Variants in QRICH1 observed in about 807,000 individuals in gnomAD.
The protein encoded by QRICH1 is transcriptional regulator QRICH1.
In QRICH1, 16 loss-of-function variants were observed where a neutral mutation model predicts 87.1. That is an observed-to-expected ratio of 0.18 (90% CI 0.12 to 0.28). The LOEUF is 0.28. QRICH1 is among the 10% of genes least tolerant of loss of function. The pLI, the probability that QRICH1 is intolerant of heterozygous loss-of-function variation, is 1.00. For missense variants in QRICH1, 647 were observed against 951.7 expected (o/e 0.68, Z 4.21); for synonymous variants, 367 against 368.4 (o/e 1.00, Z 0.05).
chr3:49,068,760 C>A (rs926153612), intron 2 of QRICH1, among the ~76,000 whole-genome samples: 9 of 151,658 alleles, frequency 5.9e-5, no homozygotes, highest in Non-Finnish European at 1.0e-4. Context: ...TCCTGAGTAG[C>A]TGGGATCACA....
intron 6 of QRICH1, 155 bp from the exon 7 acceptor site, chr3:49,033,383 T>A: frequency 2.4e-6 from 1 of 422,892 alleles, no homozygotes; most frequent in Non-Finnish European, 4.1e-6. Flanking sequence ...GAAAGCTTCT[T>A]AAAACACAGA....
At chr3:49,035,213 G>T (rs953007134) in intron 6 of QRICH1, among the ~76,000 whole-genome samples, 1 of 152,104 alleles carries the variant, frequency 6.6e-6, no homozygotes, top group Non-Finnish European at 1.5e-5. Context: ...TGGGATCACA[G>T]GTGTGCACCA....
chr3:49,038,090 C>T (rs2093286638), intron 6 of QRICH1, among the ~76,000 whole-genome samples: 1 of 150,954 alleles, frequency 6.6e-6, no homozygotes, highest in South Asian at 2.1e-4. Flanking sequence ...AAAACAGAGT[C>T]TCGGTCTGTT....
intron 2 of QRICH1, among the ~76,000 whole-genome samples, chr3:49,064,436 A>T (rs1294018918): frequency 2.0e-5 from 3 of 151,696 alleles, no homozygotes; most frequent in Non-Finnish European, 2.9e-5. Flanking sequence ...TATTTTTAGT[A>T]GAGATGGGGT....
At chr3:49,092,436 GTTC>G (rs2042294155) in intron 1 of QRICH1, 1 of 151,992 alleles carries the variant, frequency 6.6e-6, no homozygotes, top group Non-Finnish European at 1.5e-5. Flanking sequence ...CTTGTCCTGA[GTTC>G]TTAAGACTTC....
In QRICH1 at chr3:49,063,886, TAAAACTAGGAA is replaced by T; in HGVS notation, c.310-6007_310-5997del. Among the ~76,000 whole-genome samples the T allele has an allele frequency of 2.6e-5, 4 of 152,278 alleles. No homozygotes were observed. In the South Asian group the frequency reaches 6.2e-4, roughly 24 times the overall value. Reference sequence around the variant, plus strand: ...AGTAATATTTACTTGTACTCTAAATTAAAACTAGGAATTTAATTTTTTAATTCTTTTTTTAT... The same window carrying T: ...AGTAATATTTACTTGTACTCTAAATTTTTAATTTTTTAATTCTTTTTTTAT... On this transcript the variant is annotated intron_variant, in intron 2 of 9. Transcript: ENST00000395443.
chr3:49,033,108 T>C lies in QRICH1; in HGVS notation c.1895+12A>G, dbSNP rs369582018. The C allele has an allele frequency of 1.9e-5, 28 of 1,509,120 alleles. No individual in the cohort carries two copies. Among genetic ancestry groups the C allele is most frequent in the African/African-American group, 7.0e-5 (5 of 70,942 alleles). 93.5% of individuals were successfully genotyped at this position (1,509,120 alleles called of 1,614,324 possible). Reference sequence around the variant, plus strand: ...GGACAGATGCCAGCAGTGGAGCCTCTAGAACACTTACTTGGTATTAAAGAA... The same window carrying C: ...GGACAGATGCCAGCAGTGGAGCCTCCAGAACACTTACTTGGTATTAAAGAA... On this transcript the variant is annotated intron_variant, in intron 7 of 9. Coordinates refer to ENST00000395443, the MANE Select transcript of QRICH1 (RefSeq NM_198880.3).
At chr3:49,075,866 C>T (rs1454622490) in intron 2 of QRICH1, among the ~76,000 whole-genome samples, 1 of 151,684 alleles carries the variant, frequency 6.6e-6, no homozygotes, top group Non-Finnish European at 1.5e-5. Context: ...AGCTTGAACC[C>T]GGGGGACAGA....
intron 6 of QRICH1, among the ~76,000 whole-genome samples, chr3:49,036,708 A>C (rs891096204): frequency 6.0e-4 from 87 of 144,362 alleles, no homozygotes; most frequent in Non-Finnish European, 1.1e-3. Context: ...AAAAAAAAAA[A>C]CAGCCGTTAA....
chr3:49,088,546 T>C (rs759477730), intron 1 of QRICH1, among the ~76,000 whole-genome samples: 4 of 148,636 alleles, frequency 2.7e-5, no homozygotes, highest in Non-Finnish European at 5.9e-5. Flanking sequence ...GAGGAGTTCA[T>C]TTCCACGGCC....
chr3:49,071,849 T>C (rs1310917459), intron 2 of QRICH1, among the ~76,000 whole-genome samples: 2 of 152,136 alleles, frequency 1.3e-5, no homozygotes, highest in Non-Finnish European at 2.9e-5. Context: ...CAAGCCACCA[T>C]ACCCAGTTAA....
intron 6 of QRICH1, among the ~76,000 whole-genome samples, chr3:49,035,862 C>G (rs1273861718): frequency 3.3e-5 from 5 of 150,536 alleles, no homozygotes; most frequent in African/African-American, 7.3e-5. Flanking sequence ...ATCACTGGAA[C>G]CTAGGAGTTT....
At chr3:49,087,818 C>CGAAAAAAAAAA (rs2042195333) in intron 1 of QRICH1, among the ~76,000 whole-genome samples, 1 of 47,676 alleles carries the variant, frequency 2.1e-5, no homozygotes, top group Non-Finnish European at 3.4e-5. Context: ...AGGTTCATCT[C>CGAAAAAAAAAA]AAAAAAAAAA....
intron 1 of QRICH1, among the ~76,000 whole-genome samples, chr3:49,087,482 T>C (rs575409736): frequency 6.6e-6 from 1 of 151,084 alleles, no homozygotes; most frequent in South Asian, 2.1e-4. Flanking sequence ...GAGGCGAAGG[T>C]TGCAGTGAGC....
intron 2 of QRICH1, among the ~76,000 whole-genome samples, chr3:49,062,687 T>G (rs1190774519): frequency 6.6e-6 from 1 of 150,584 alleles, no homozygotes; most frequent in Admixed American, 6.6e-5. Context: ...GTAACTTATA[T>G]CTCAATAAAG....
chr3:49,050,543 CAT>C (rs760565952), intron 3 of QRICH1, among the ~76,000 whole-genome samples: 6 of 150,596 alleles, frequency 4.0e-5, no homozygotes, highest in East Asian at 2.0e-4. Flanking sequence ...ATTCAAAAAA[CAT>C]GTGCAAAGTT....
At chr3:49,080,454 G>T (rs751090323) in intron 1 of QRICH1, among the ~76,000 whole-genome samples, 4 of 151,962 alleles carry the variant, frequency 2.6e-5, no homozygotes, top group Middle Eastern at 3.4e-3. Context: ...TCCCAACGGA[G>T]TAGATGGGAA....
rs373919470 is a variant in QRICH1, at chr3:49,076,727, C to T, written c.291G>A (p.Gln97=). 7.5e-5 allele frequency: 118 copies of T among 1,580,298 alleles called. No individual in the cohort carries two copies. The highest frequency in any genetic ancestry group is 8.8e-5 in the Non-Finnish European group (102 of 1,158,414). The change falls in exon 2 of 10, where the codon CAG becomes CAA. Residue 97 remains glutamine, a synonymous_variant. Transcript: ENST00000395443. ...CATATACCTGAACCTGCTGCGGCTGCTGAACCTGGATCTGCTGTTCTTGCT... is the reference window on the plus strand; with the variant it reads ...CATATACCTGAACCTGCTGCGGCTGTTGAACCTGGATCTGCTGTTCTTGCT... ...QTQQEQQIQV[Q]QPQQVQVQVQ... is the part of the protein sequence containing the mutation.
chr3:49,035,578 G>A (rs2093269505), intron 6 of QRICH1, among the ~76,000 whole-genome samples: 1 of 151,816 alleles, frequency 6.6e-6, no homozygotes, highest in Non-Finnish European at 1.5e-5. Flanking sequence ...CAAGGTAGGA[G>A]GACTGCTTGA....
Sources: allele counts gnomAD v4.1 joint callset (sites outside exome capture counted in the v4.1 genomes callset), GRCh38; gene constraint gnomAD v4.1.1; transcripts MANE v1.5; gene names NCBI Gene and HGNC (gene_info 2026-07-23, HGNC 2026-07-21).